Variants in ST8SIA4 observed in about 807,000 individuals in gnomAD.
ST8SIA4 encodes the protein ST8 alpha-N-acetyl-neuraminide alpha-2,8-sialyltransferase 4, also known as CMP-N-acetylneuraminate-poly-alpha-2,8-sialyltransferase.
In ST8SIA4, 15 loss-of-function variants were observed where a neutral mutation model predicts 33.9. That is an observed-to-expected ratio of 0.44 (90% CI 0.30 to 0.68). ST8SIA4 has a LOEUF of 0.68. Ranked by LOEUF, ST8SIA4 falls within the 30% of genes least tolerant of loss-of-function variation. The pLI is 0.10. For missense variants in ST8SIA4, 321 were observed against 428.0 expected, an observed-to-expected ratio of 0.75 and a Z score of 2.21; for synonymous variants, 171 against 151.2, an observed-to-expected ratio of 1.13 and a Z score of -0.96.
intron 3 of ST8SIA4, among the ~76,000 whole-genome samples, chr5:100,881,401 A>G (rs947500329): frequency 6.6e-6 from 1 of 152,216 alleles, no homozygotes; most frequent in Non-Finnish European, 1.5e-5. Flanking sequence ...CCTGGGAAAT[A>G]CCAATGAGAG....
chr5:100,814,776 C>T (rs1580445650), intron 4 of ST8SIA4, among the ~76,000 whole-genome samples: 1 of 151,794 alleles, frequency 6.6e-6, no homozygotes, highest in South Asian at 2.1e-4. Context: ...TAACAAATTC[C>T]ACATGTGAAA....
chr5:100,814,609 C>G (rs1359478647), intron 4 of ST8SIA4, among the ~76,000 whole-genome samples: 1 of 151,820 alleles, frequency 6.6e-6, no homozygotes, highest in Non-Finnish European at 1.5e-5. Flanking sequence ...AATCAGGTCA[C>G]TAAGTAGGCA....
chr5:100,888,734 G>A (rs1430615770), intron 2 of ST8SIA4, among the ~76,000 whole-genome samples: 1 of 151,804 alleles, frequency 6.6e-6, no homozygotes, highest in East Asian at 1.9e-4. Flanking sequence ...AAAGAAGGGA[G>A]GAAAGTAACT....
At chr5:100,843,651 G>T (rs2112426179) in intron 4 of ST8SIA4, among the ~76,000 whole-genome samples, 1 of 151,206 alleles carries the variant, frequency 6.6e-6, no homozygotes, top group Non-Finnish European at 1.5e-5. Flanking sequence ...GCAATGATTT[G>T]TCACTTACAA....
intron 3 of ST8SIA4, among the ~76,000 whole-genome samples, chr5:100,863,650 T>C (rs1561398605): frequency 6.6e-6 from 1 of 151,954 alleles, no homozygotes; most frequent in Non-Finnish European, 1.5e-5. Context: ...TAAAAAAATC[T>C]TCTTTAGCAT....
chr5:100,828,474 C>G (rs1344941144), intron 4 of ST8SIA4, among the ~76,000 whole-genome samples: 1 of 152,136 alleles, frequency 6.6e-6, no homozygotes, highest in East Asian at 1.9e-4. Context: ...TTGAAAATCC[C>G]TCAAAGTGGC....
intron 2 of ST8SIA4, among the ~76,000 whole-genome samples, chr5:100,889,053 A>G (rs951359903): frequency 2.6e-5 from 4 of 151,920 alleles, no homozygotes; most frequent in Admixed American, 1.3e-4. Flanking sequence ...TCCAGGTTAT[A>G]TAAGAAGATA....
chr5:100,823,035 G>T (rs534078720), intron 4 of ST8SIA4, among the ~76,000 whole-genome samples: 4 of 152,114 alleles, frequency 2.6e-5, no homozygotes, highest in Non-Finnish European at 5.9e-5. Context: ...GGGGGCTGAG[G>T]GGGGAGAATG....
intron 4 of ST8SIA4, among the ~76,000 whole-genome samples, chr5:100,821,858 G>T (rs1751036474): frequency 6.6e-6 from 1 of 152,124 alleles, no homozygotes; most frequent in African/African-American, 2.4e-5. Flanking sequence ...GCCATAAAGG[G>T]CAGATACTGT....
intron 1 of ST8SIA4, among the ~76,000 whole-genome samples, chr5:100,898,349 A>G (rs1752824570): frequency 6.6e-6 from 1 of 152,202 alleles, no homozygotes; most frequent in Non-Finnish European, 1.5e-5. Context: ...TCATTGACCT[A>G]GAAATACAGA....
At chr5:100,818,409 C>A (rs1233687683) in intron 4 of ST8SIA4, among the ~76,000 whole-genome samples, 1 of 151,756 alleles carries the variant, frequency 6.6e-6, no homozygotes, top group Non-Finnish European at 1.5e-5. Context: ...TATAAAGGAC[C>A]CACTTTTCTC....
At chr5:100,885,574 C>A in intron 3 of ST8SIA4, 1 of 928,478 alleles carries the variant, frequency 1.1e-6, no homozygotes, top group Non-Finnish European at 1.3e-6. Flanking sequence ...ATTTCAATAT[C>A]CATGTTTCTG....
chr5:100,811,328 A>C lies in ST8SIA4; in HGVS notation c.*519T>G, dbSNP rs537579771. 1 of 152,614 alleles carries C rather than the reference A, an allele frequency of 6.6e-6. No individual in the cohort carries two copies. The highest frequency in any genetic ancestry group is 2.1e-4 in the South Asian group (1 of 4,820). The allele number at this position is 152,614 out of a possible 1,614,324, so 9.5% of individuals were successfully genotyped here. A position where few individuals can be genotyped will look rare whatever the true frequency, so the allele number is the denominator to read the frequency against. The stretch of plus-strand genomic sequence containing the variant: ...AAGAGATTCCAGAAGACAAAAAAAA[A>C]ACATAAATTAAAACATAAAATTCAT... On this transcript the variant is annotated 3_prime_UTR_variant, in exon 5 of 5. Transcript: ENST00000231461.
rs542032439 is a variant in ST8SIA4, at chr5:100,896,014, A to T, written c.114-229T>A. On this transcript the variant is annotated intron_variant, in intron 1 of 4. Transcript: ENST00000231461. ...TTTTGAAATTAAACAATTTCTGAAT[A>T]AAAAAAGATCTCTATGGTACTTAAA... Among the ~76,000 whole-genome samples, 20 of 151,960 alleles carry T rather than the reference A, an allele frequency of 1.3e-4. No individual in the cohort carries two copies. In the South Asian group the frequency reaches 3.3e-3, roughly 25 times the overall value.
chr5:100,903,146 G>C lies in ST8SIA4; in HGVS notation c.-191C>G, dbSNP rs1752963338. 1 of 586,042 alleles carries C rather than the reference G, an allele frequency of 1.7e-6. No individual in the cohort carries two copies. Among genetic ancestry groups the C allele is most frequent in the Admixed American group, 3.0e-5 (1 of 33,028 alleles). 36.3% of individuals were successfully genotyped at this position (586,042 alleles called of 1,614,324 possible). A position where few individuals can be genotyped will look rare whatever the true frequency, so the allele number is the denominator to read the frequency against. ...CCCTCTGGTCCTCGAACGCTGCCCA[G>C]CGACCTCTCGCCCTGTTTGCGCCAG... On this transcript the variant is annotated 5_prime_UTR_variant, in exon 1 of 5. Coordinates refer to ENST00000231461, the MANE Select transcript of ST8SIA4 (RefSeq NM_005668.6).
chr5:100,892,059 T>C (rs1752681517), intron 2 of ST8SIA4, among the ~76,000 whole-genome samples: 1 of 152,102 alleles, frequency 6.6e-6, no homozygotes, highest in Admixed American at 6.6e-5. Flanking sequence ...AGCTGAAATA[T>C]TTTTTCTAAT....
At chr5:100,896,643 A>C (rs1342971339) in intron 1 of ST8SIA4, among the ~76,000 whole-genome samples, 2 of 152,172 alleles carry the variant, frequency 1.3e-5, no homozygotes, top group African/African-American at 4.8e-5. Context: ...TGATCTTATC[A>C]TTACAAAGTG....
At chr5:100,886,097 C>A in intron 3 of ST8SIA4, 2 of 1,274,476 alleles carry the variant, frequency 1.6e-6, no homozygotes, top group Non-Finnish European at 2.0e-6. Context: ...CCTCCCCCCT[C>A]ACCTCACCAA....
At chr5:100,872,104 C>G (rs1429580978) in intron 3 of ST8SIA4, among the ~76,000 whole-genome samples, 1 of 151,990 alleles carries the variant, frequency 6.6e-6, no homozygotes, top group African/African-American at 2.4e-5. Flanking sequence ...TTAATTTTCT[C>G]ATTAATTTAT....
Sources: allele counts gnomAD v4.1 joint callset (sites outside exome capture counted in the v4.1 genomes callset), GRCh38; gene constraint gnomAD v4.1.1; transcripts MANE v1.5; gene names NCBI Gene and HGNC (gene_info 2026-07-23, HGNC 2026-07-21).